ZFHX3: variants seen among roughly 807,000 people sequenced by gnomAD.
The protein encoded by ZFHX3 is zinc finger homeobox 3.
In ZFHX3, 42 loss-of-function variants were observed where a neutral mutation model predicts 279.1. The ratio of observed to expected loss-of-function variants is 0.15; its 90% CI spans 0.12 to 0.19. The LOEUF is 0.19. Ranked by LOEUF, ZFHX3 falls within the 10% of genes least tolerant of loss-of-function variation. The pLI is 1.00. For missense variants in ZFHX3, 4,981 were observed against 4,754.0 expected (o/e 1.05, Z -1.40); for synonymous variants, 2,293 against 1,957.8 (o/e 1.17, Z -4.52).
chr16:73,561,820 G>A (rs972599443), intron 2 of ZFHX3, among the ~76,000 whole-genome samples: 8 of 151,858 alleles, frequency 5.3e-5, no homozygotes, highest in South Asian at 4.2e-4. Context: ...TAATTGTTCC[G>A]GGCCCTCATA....
At chr16:73,115,814 G>T (rs753643586) in intron 7 of ZFHX3, among the ~76,000 whole-genome samples, 1 of 151,950 alleles carries the variant, frequency 6.6e-6, no homozygotes, top group Admixed American at 6.6e-5. Flanking sequence ...GTCCAGGGTT[G>T]CCTGGTTCTA....
intron 4 of ZFHX3, among the ~76,000 whole-genome samples, chr16:72,841,372 A>G (rs2037340913): frequency 6.6e-6 from 1 of 152,240 alleles, no homozygotes; most frequent in Non-Finnish European, 1.5e-5. Context: ...GTTTACGTTC[A>G]AGAGCTTTCC....
At chr16:72,853,085 G>A (rs1239561924) in intron 4 of ZFHX3, among the ~76,000 whole-genome samples, 2 of 152,212 alleles carry the variant, frequency 1.3e-5, no homozygotes, top group East Asian at 3.8e-4. Context: ...CTTTGACTCT[G>A]TTTGCTCACC....
At chr16:72,856,797 G>C (rs1383713792) in intron 4 of ZFHX3, among the ~76,000 whole-genome samples, 19 of 152,174 alleles carry the variant, frequency 1.2e-4, no homozygotes, top group Admixed American at 1.2e-3. Flanking sequence ...CCATGTTGCA[G>C]GAACAGCCTG....
At chr16:73,179,374 C>T (rs1291571369) in intron 5 of ZFHX3, among the ~76,000 whole-genome samples, 1 of 152,174 alleles carries the variant, frequency 6.6e-6, no homozygotes, top group East Asian at 1.9e-4. Context: ...TGACTCCACT[C>T]CCCTCCATGA....
At chr16:73,186,074 G>A (rs1967901558) in intron 5 of ZFHX3, among the ~76,000 whole-genome samples, 1 of 152,004 alleles carries the variant, frequency 6.6e-6, no homozygotes, top group South Asian at 2.1e-4. Flanking sequence ...ATCTGTCACT[G>A]TCTCCCATCA....
chr16:73,786,948 T>C (rs1337776016), intron 1 of ZFHX3, among the ~76,000 whole-genome samples: 3 of 152,200 alleles, frequency 2.0e-5, no homozygotes, highest in Admixed American at 2.0e-4. Flanking sequence ...TGTTGTCTTT[T>C]TCAGGCATGT....
At chr16:73,534,065 C>T (rs9923683) in intron 2 of ZFHX3, among the ~76,000 whole-genome samples, 3,255 of 152,228 alleles carry the variant, frequency 0.021, 107 homozygotes, top group African/African-American at 0.075. Context: ...CAGATGGCTC[C>T]TCCTTTCATT....
chr16:73,573,005 C>T (rs967917707), intron 2 of ZFHX3, among the ~76,000 whole-genome samples: 4 of 152,252 alleles, frequency 2.6e-5, no homozygotes, highest in East Asian at 1.9e-4. Context: ...GAACAGCTTT[C>T]GAAGCTGGAT....
intron 7 of ZFHX3, among the ~76,000 whole-genome samples, chr16:72,803,617 G>A (rs1487387064): frequency 6.6e-6 from 1 of 152,006 alleles, no homozygotes; most frequent in African/African-American, 2.4e-5. Flanking sequence ...AGAGCCAAAC[G>A]AAAAAAGTTC....
intron 3 of ZFHX3, among the ~76,000 whole-genome samples, chr16:73,380,199 T>G (rs1489736705): frequency 2.6e-5 from 4 of 152,144 alleles, no homozygotes; most frequent in African/African-American, 9.7e-5. Flanking sequence ...TCCATAAACC[T>G]CTATGCACCA....
At chr16:73,679,048 T>A (rs2052983873) in intron 2 of ZFHX3, among the ~76,000 whole-genome samples, 1 of 152,068 alleles carries the variant, frequency 6.6e-6, no homozygotes, top group Non-Finnish European at 1.5e-5. Flanking sequence ...TGCTCATAGG[T>A]ATACTTAATT....
intron 1 of ZFHX3, among the ~76,000 whole-genome samples, chr16:73,860,835 G>A (rs907327752): frequency 2.0e-5 from 3 of 152,060 alleles, no homozygotes; most frequent in Admixed American, 6.6e-5. Context: ...CAAGTGTCAG[G>A]GGCCACTCCC....
intron 1 of ZFHX3, among the ~76,000 whole-genome samples, chr16:72,996,077 G>A (rs1218362324): frequency 1.3e-5 from 2 of 151,466 alleles, no homozygotes; most frequent in African/African-American, 4.9e-5. Context: ...AGACCAGCCT[G>A]GCCAACACAG....
chr16:73,322,581 T>C (rs2143201583), intron 3 of ZFHX3, among the ~76,000 whole-genome samples: 1 of 152,286 alleles, frequency 6.6e-6, no homozygotes, highest in Non-Finnish European at 1.5e-5. Flanking sequence ...TCTTCCCCAA[T>C]AGCCCTTGGC....
intron 1 of ZFHX3, among the ~76,000 whole-genome samples, chr16:73,825,519 G>C (rs1290587820): frequency 7.6e-6 from 1 of 132,212 alleles, no homozygotes; most frequent in Non-Finnish European, 1.5e-5. Context: ...TTCTTCTAGG[G>C]TTTTTATGGT....
intron 2 of ZFHX3, among the ~76,000 whole-genome samples, chr16:73,524,463 G>T (rs1243568052): frequency 6.6e-6 from 1 of 152,178 alleles, no homozygotes; most frequent in African/African-American, 2.4e-5. Context: ...AAAGGCAGAA[G>T]GGCAGAAATC....
rs544635164 is a variant in ZFHX3 at position 73,189,215 on chromosome 16, G to A, written c.-1103-45384C>T. ...GTTATCCTGCTTAACATAAAAGGGT[G>A]AAGACATTCTCCAACGTCTCTACCT... On this transcript the variant is annotated intron_variant, in intron 5 of 17. Transcript: ENST00000641206. Among the ~76,000 whole-genome samples, 34 of 152,284 alleles carry A rather than the reference G, an allele frequency of 2.2e-4. No individual in the cohort carries two copies. In the South Asian group the frequency reaches 4.6e-3, roughly 20 times the overall value.
At chr16:73,448,685 C>CATGTGT (rs1555517513) in intron 3 of ZFHX3, among the ~76,000 whole-genome samples, 4 of 142,090 alleles carry the variant, frequency 2.8e-5, no homozygotes, top group Admixed American at 1.4e-4. Context: ...TATTTATATA[C>CATGTGT]GTGTGTGTGT....
Sources: allele counts gnomAD v4.1 joint callset (sites outside exome capture counted in the v4.1 genomes callset), GRCh38; gene constraint gnomAD v4.1.1; transcripts MANE v1.5; gene names NCBI Gene and HGNC (gene_info 2026-07-23, HGNC 2026-07-21).